The following PRKAA2 variants were observed in gnomAD, a reference collection of about 807,000 sequenced individuals.
PRKAA2 encodes the protein protein kinase AMP-activated catalytic subunit alpha 2, also known as 5'-AMP-activated protein kinase catalytic subunit alpha-2.
PRKAA2 carries 40 observed loss-of-function variants against 56.3 expected under a neutral mutation model. The observed-to-expected ratio is 0.71, with a 90% CI of 0.55 to 0.92. The LOEUF (loss-of-function observed/expected upper bound fraction) is 0.92. PRKAA2 is among the 40% of genes least tolerant of loss of function. The pLI, the probability that PRKAA2 is intolerant of heterozygous loss-of-function variation, is 0.00. For synonymous variants in PRKAA2, 214 were observed against 234.2 expected, an observed-to-expected ratio of 0.91 and a Z score of 0.79; for missense variants, 542 against 686.9, an observed-to-expected ratio of 0.79 and a Z score of 2.36.
chr1:56,669,301 A>G (rs1274753985), intron 1 of PRKAA2, among the ~76,000 whole-genome samples: 1 of 152,096 alleles, frequency 6.6e-6, no homozygotes, highest in African/African-American at 2.4e-5. Context: ...TCTATTAAAA[A>G]TACAGAAATT....
chr1:56,704,165 T>C lies in PRKAA2; in HGVS notation c.983T>C (p.Ile328Thr). 2 of 1,614,158 alleles carry C rather than the reference T, an allele frequency of 1.2e-6. No homozygotes were observed. Among genetic ancestry groups the C allele is most frequent in the Non-Finnish European group, 1.7e-6 (2 of 1,180,000 alleles). Residue 328 changes from isoleucine (I) to threonine (T), a missense_variant, in exon 7 of 9, where the codon ATT (isoleucine) becomes ACT (threonine). Around this residue, in one of 5 missense-constraint regions of PRKAA2, gnomAD observed 198 missense variants for 234.0 expected, o/e 0.85. Coordinates refer to ENST00000371244, the MANE Select transcript of PRKAA2 (RefSeq NM_006252.4). Reference sequence around the variant, plus strand: ...CTTGCAGTGGCTTATCATCTTATCATTGACAATCGGAGAATAATGAACCAA... The same window carrying C: ...CTTGCAGTGGCTTATCATCTTATCACTGACAATCGGAGAATAATGAACCAA... The part of the protein sequence containing the change: ...DQLAVAYHLI[I>T]DNRRIMNQAS...
intron 1 of PRKAA2, among the ~76,000 whole-genome samples, chr1:56,647,783 A>G (rs376112058): frequency 2.0e-5 from 3 of 151,902 alleles, no homozygotes; most frequent in African/African-American, 7.2e-5. Flanking sequence ...TAATCCCAGC[A>G]CTTTGGGAGG....
intron 7 of PRKAA2, 132 bp from the exon 8 acceptor site, chr1:56,705,960 A>G: frequency 1.4e-6 from 1 of 714,502 alleles, no homozygotes; most frequent in Non-Finnish European, 2.3e-6. Flanking sequence ...ACTAAAGTGA[A>G]CTACCAGTAA....
intron 6 of PRKAA2, among the ~76,000 whole-genome samples, chr1:56,703,212 A>T (rs1038487477): frequency 1.3e-5 from 2 of 152,322 alleles, no homozygotes; most frequent in Non-Finnish European, 2.9e-5. Flanking sequence ...GTAACTCTTA[A>T]AAATTATTGA....
intron 2 of PRKAA2, among the ~76,000 whole-genome samples, chr1:56,690,942 T>C (rs1644225232): frequency 6.6e-6 from 1 of 152,210 alleles, no homozygotes; most frequent in Non-Finnish European, 1.5e-5. Flanking sequence ...TGTTTTAGTT[T>C]GTTTTGCTGT....
chr1:56,671,058 G>T (rs1219155268), intron 1 of PRKAA2, among the ~76,000 whole-genome samples: 1 of 152,092 alleles, frequency 6.6e-6, no homozygotes, highest in African/African-American at 2.4e-5. Flanking sequence ...AAACTTTGAG[G>T]CATCCAAGCC....
At chr1:56,705,196 ATCAG>A (rs1644323438) in intron 7 of PRKAA2, among the ~76,000 whole-genome samples, 2 of 152,204 alleles carry the variant, frequency 1.3e-5, no homozygotes, top group Non-Finnish European at 2.9e-5. Flanking sequence ...GTTCAAATAA[ATCAG>A]TCATTTTCAT....
chr1:56,686,257 T>C (rs1341455114), intron 2 of PRKAA2, among the ~76,000 whole-genome samples: 3 of 152,194 alleles, frequency 2.0e-5, no homozygotes. Context: ...AATATATAAA[T>C]CCACCAGTTT....
At chr1:56,704,938 G>A (rs1233678681) in intron 7 of PRKAA2, among the ~76,000 whole-genome samples, 3 of 151,910 alleles carry the variant, frequency 2.0e-5, no homozygotes, top group Non-Finnish European at 2.9e-5. Flanking sequence ...TCCAAGTTGT[G>A]ATATTCTCTT....
At chr1:56,658,218 C>T (rs1438070020) in intron 1 of PRKAA2, among the ~76,000 whole-genome samples, 1 of 152,006 alleles carries the variant, frequency 6.6e-6, no homozygotes, top group Non-Finnish European at 1.5e-5. Context: ...TAGATCATTC[C>T]ACAACTCTAC....
rs1194853267 is a variant in PRKAA2, at chr1:56,663,842, A to G, written c.95-10539A>G. ...CAGCCAAGCATGGTGGCTAACCCCT[A>G]TAATCCCAGCACTTTAAGAGGCAGA... On this transcript the variant is annotated intron_variant, in intron 1 of 8. Transcript: ENST00000371244. Among the ~76,000 whole-genome samples the G allele has an allele frequency of 2.6e-5, 4 of 152,128 alleles. No homozygotes were observed. The East Asian group carries it at 5.8e-4, about 22-fold the overall frequency.
intron 2 of PRKAA2, among the ~76,000 whole-genome samples, chr1:56,683,831 G>A (rs1339243084): frequency 6.6e-6 from 1 of 152,102 alleles, no homozygotes; most frequent in East Asian, 1.9e-4. Flanking sequence ...GATAAGGTCA[G>A]AGACATAAAG....
intron 7 of PRKAA2, among the ~76,000 whole-genome samples, 168 bp from the exon 8 acceptor site, chr1:56,705,924 T>C (rs1644328891): frequency 6.6e-6 from 1 of 152,216 alleles, no homozygotes; most frequent in South Asian, 2.1e-4. Flanking sequence ...TGCCATACAG[T>C]ACTGCTTAGT....
intron 2 of PRKAA2, among the ~76,000 whole-genome samples, chr1:56,678,010 T>C (rs1038932210): frequency 6.6e-6 from 1 of 152,214 alleles, no homozygotes; most frequent in Non-Finnish European, 1.5e-5. Flanking sequence ...CCTCCATTTC[T>C]ATATTTACTT....
At chr1:56,673,455 A>C (rs182579490) in intron 1 of PRKAA2, among the ~76,000 whole-genome samples, 2 of 152,310 alleles carry the variant, frequency 1.3e-5, no homozygotes, top group Non-Finnish European at 2.9e-5. Context: ...GGTGTTTGTC[A>C]CTGAAAGGAG....
In PRKAA2 at chr1:56,691,502, A is replaced by C. The variant is rs892325467; in HGVS notation, c.330+15A>C. The C allele has an allele frequency of 3.2e-6, 5 of 1,556,444 alleles. No individual in the cohort carries two copies. Among genetic ancestry groups the C allele is most frequent in the South Asian group, 1.1e-5 (1 of 88,118 alleles). On this transcript the variant is annotated intron_variant, in intron 3 of 8. Transcript: ENST00000371244. ...AGCATGGACGGGTGAGTAACATACT[A>C]TCTGGTACACTAAATCTCTAAACTA...
rs377396399 is a variant in PRKAA2, at chr1:56,704,199, G to A, written c.1017G>A (p.Glu339=). The A allele has an allele frequency of 4.0e-5, 65 of 1,614,074 alleles. No homozygotes were observed. The highest frequency in any genetic ancestry group is 5.4e-5 in the Non-Finnish European group (64 of 1,180,050). Residue 339 remains glutamate, a synonymous_variant, in exon 7 of 9, where the codon GAG becomes GAA. Coordinates refer to ENST00000371244, the MANE Select transcript of PRKAA2 (RefSeq NM_006252.4). Reference sequence around the variant, plus strand: ...GGAGAATAATGAACCAAGCCAGTGAGTTCTACCTCGCCTCTAGTCCTCCAT... The same window carrying A: ...GGAGAATAATGAACCAAGCCAGTGAATTCTACCTCGCCTCTAGTCCTCCAT... ...DNRRIMNQAS[E]FYLASSPPSG...
At chr1:56,701,196 A>T (rs78976806) in intron 6 of PRKAA2, among the ~76,000 whole-genome samples, 8,062 of 152,200 alleles carry the variant, frequency 0.053, 319 homozygotes, top group Admixed American at 0.13. Context: ...ATTGATATTT[A>T]AAAAATATTA....
Position 56,707,806 on chromosome 1 carries a change from C to A in PRKAA2, c.*93C>A. Reference sequence around the variant, plus strand: ...CTTTTGGATAATATCCACTGCAATACTAATTGAGAAACATGAATTATTTCC... The same window carrying A: ...CTTTTGGATAATATCCACTGCAATAATAATTGAGAAACATGAATTATTTCC... On this transcript the variant is annotated 3_prime_UTR_variant, in exon 9 of 9. Coordinates refer to ENST00000371244, the MANE Select transcript of PRKAA2 (RefSeq NM_006252.4). 1 of 1,132,434 alleles carries A rather than the reference C, an allele frequency of 8.8e-7. No homozygotes were observed. The highest frequency in any genetic ancestry group is 1.3e-6 in the Non-Finnish European group (1 of 787,338). The allele number at this position is 1,132,434 out of a possible 1,614,324, so 70.1% of individuals were successfully genotyped here.
Sources: gnomAD v4.1 joint callset for allele counts (sites outside exome capture counted in the v4.1 genomes callset) on GRCh38, gnomAD v4.1.1 for gene constraint, gnomAD v4.1.1 regional missense constraint, MANE v1.5 for transcripts, NCBI Gene and HGNC (gene_info 2026-07-23, HGNC 2026-07-21) for gene names.